The following KCNMA1 variants were observed in gnomAD, a reference collection of about 807,000 sequenced individuals.
KCNMA1 encodes the protein Calcium-activated potassium channel subunit alpha-1.
A neutral mutation model predicts 140.0 loss-of-function variants in KCNMA1; 29 were observed. The ratio of observed to expected loss-of-function variants is 0.21; its 90% CI spans 0.15 to 0.28. KCNMA1 has a LOEUF of 0.28. Ranked by LOEUF, KCNMA1 falls within the 10% of genes least tolerant of loss-of-function variation. The pLI is 1.00. For missense variants in KCNMA1, 880 were observed against 1,602.2 expected (o/e 0.55, Z 7.70); for synonymous variants, 612 against 611.9 (o/e 1.00, Z 0.00).
intron 1 of KCNMA1, among the ~76,000 whole-genome samples, chr10:77,530,259 G>C (rs1004838020): frequency 5.9e-5 from 9 of 152,130 alleles, no homozygotes; most frequent in African/African-American, 2.2e-4. Flanking sequence ...ATAGACAGAG[G>C]GACAAGGAAA....
chr10:76,984,475 C>G (rs2080608195), intron 19 of KCNMA1, among the ~76,000 whole-genome samples: 1 of 152,146 alleles, frequency 6.6e-6, no homozygotes, highest in African/African-American at 2.4e-5. Flanking sequence ...CAGACGTGAG[C>G]CACTGCACCC....
intron 14 of KCNMA1, among the ~76,000 whole-genome samples, chr10:77,063,462 T>C (rs1595081686): frequency 6.6e-6 from 1 of 151,948 alleles, no homozygotes; most frequent in South Asian, 2.1e-4. Context: ...AAAAGGTATA[T>C]CACGTAAACT....
At chr10:77,192,288 G>A (rs1034863843) in intron 3 of KCNMA1, among the ~76,000 whole-genome samples, 12 of 152,126 alleles carry the variant, frequency 7.9e-5, no homozygotes, top group Admixed American at 3.3e-4. Flanking sequence ...CTCAGGTGGC[G>A]AGAACCCTTT....
intron 20 of KCNMA1, among the ~76,000 whole-genome samples, chr10:76,955,711 G>A (rs1035025687): frequency 2.6e-5 from 4 of 152,204 alleles, no homozygotes; most frequent in Non-Finnish European, 5.9e-5. Flanking sequence ...ACAGATCAGG[G>A]TGAGAGCACA....
chr10:77,181,550 C>T (rs2098802676), intron 5 of KCNMA1, among the ~76,000 whole-genome samples: 1 of 152,152 alleles, frequency 6.6e-6, no homozygotes, highest in Non-Finnish European at 1.5e-5. Flanking sequence ...CTAGCCAAAT[C>T]TTTATCTTAC....
chr10:77,482,973 C>T (rs2098415640), intron 1 of KCNMA1, among the ~76,000 whole-genome samples: 1 of 134,452 alleles, frequency 7.4e-6, no homozygotes, highest in Non-Finnish European at 1.6e-5. Context: ...TTCCTCTCTT[C>T]TCTCTCTCTC....
chr10:77,310,995 T>C (rs2079099087), intron 2 of KCNMA1, among the ~76,000 whole-genome samples: 1 of 152,200 alleles, frequency 6.6e-6, no homozygotes, highest in Non-Finnish European at 1.5e-5. Flanking sequence ...CAGATTTTCT[T>C]CCTGCAGGTC....
intron 13 of KCNMA1, among the ~76,000 whole-genome samples, chr10:77,075,461 G>A (rs2096364317): frequency 6.6e-6 from 1 of 152,206 alleles, no homozygotes; most frequent in African/African-American, 2.4e-5. Context: ...AGACAGCTCT[G>A]AACCTTCATG....
At chr10:76,928,134 A>T (rs953139229) in intron 23 of KCNMA1, among the ~76,000 whole-genome samples, 1 of 152,116 alleles carries the variant, frequency 6.6e-6, no homozygotes, top group Non-Finnish European at 1.5e-5. Flanking sequence ...CTTTATCTTT[A>T]TTGCTCTTAC....
intron 9 of KCNMA1, among the ~76,000 whole-genome samples, chr10:77,105,220 G>C (rs573158193): frequency 6.6e-6 from 1 of 152,192 alleles, no homozygotes; most frequent in African/African-American, 2.4e-5. Flanking sequence ...AAAATGTTGG[G>C]TAAGGCACTC....
At chr10:77,367,601 A>G (rs2154407438) in intron 2 of KCNMA1, among the ~76,000 whole-genome samples, 1 of 152,250 alleles carries the variant, frequency 6.6e-6, no homozygotes, top group South Asian at 2.1e-4. Context: ...TTTTGGTGTA[A>G]AGTTCTACGA....
intron 1 of KCNMA1, among the ~76,000 whole-genome samples, chr10:77,446,077 C>G (rs1484927059): frequency 2.0e-5 from 3 of 151,004 alleles, no homozygotes; most frequent in Non-Finnish European, 2.9e-5. Flanking sequence ...ACCCTAATCC[C>G]TGAAACCTCT....
chr10:77,622,528 T>A (rs992927179), intron 1 of KCNMA1, among the ~76,000 whole-genome samples: 1 of 152,208 alleles, frequency 6.6e-6, no homozygotes, highest in Non-Finnish European at 1.5e-5. Context: ...ACCACCGAAT[T>A]CACTGGGTTG....
At chr10:77,352,005 T>G (rs1265266791) in intron 2 of KCNMA1, among the ~76,000 whole-genome samples, 1 of 152,248 alleles carries the variant, frequency 6.6e-6, no homozygotes, top group Non-Finnish European at 1.5e-5. Flanking sequence ...TGACCAGTGC[T>G]AGACTTGCCA....
intron 9 of KCNMA1, among the ~76,000 whole-genome samples, chr10:77,106,786 G>C (rs2097206422): frequency 6.6e-6 from 1 of 152,158 alleles, no homozygotes; most frequent in African/African-American, 2.4e-5. Context: ...CATGACCACT[G>C]GGAATCTTTG....
At chr10:77,444,136 G>A (rs1177230720) in intron 1 of KCNMA1, among the ~76,000 whole-genome samples, 2 of 152,164 alleles carry the variant, frequency 1.3e-5, no homozygotes, top group African/African-American at 4.8e-5. Flanking sequence ...ATACTGACCT[G>A]TATGCTAAGT....
chr10:77,389,090 A>G (rs1248678149), intron 2 of KCNMA1, among the ~76,000 whole-genome samples: 1 of 152,220 alleles, frequency 6.6e-6, no homozygotes, highest in Non-Finnish European at 1.5e-5. Context: ...GAAATAGCCC[A>G]TTGAGGGTCT....
chr10:77,068,698 TTGTG>T lies in KCNMA1; in HGVS notation c.1749+4395_1749+4398del, dbSNP rs199660003. Among the ~76,000 whole-genome samples the T allele has an allele frequency of 2.4e-3, 313 of 132,636 alleles. 1 individual carries two copies. In the East Asian group the frequency reaches 0.026, roughly 11 times the overall value. The allele number at this position is 132,636 out of a possible 152,430, so 87.0% of individuals were successfully genotyped here. A position where few individuals can be genotyped will look rare whatever the true frequency, so the allele number is the denominator to read the frequency against. ...TGGAGAGCATACTGTGTTCCAGGTT[TTGTG>T]TGTGTGTGTGTGTGTGTGTGTGTGT... On this transcript the variant is annotated intron_variant, in intron 14 of 27. Coordinates refer to ENST00000286628, the MANE Select transcript of KCNMA1 (RefSeq NM_001161352.2).
chr10:76,904,539 G>A (rs1403426642), intron 25 of KCNMA1: 2 of 151,872 alleles, frequency 1.3e-5, no homozygotes, highest in Non-Finnish European at 1.5e-5. Context: ...TTCCAGATTA[G>A]GTAGGCCCTG....
Sources: gnomAD v4.1 joint callset for allele counts (sites outside exome capture counted in the v4.1 genomes callset) on GRCh38, gnomAD v4.1.1 for gene constraint, MANE v1.5 for transcripts, NCBI Gene and HGNC (gene_info 2026-07-23, HGNC 2026-07-21) for gene names.